Variants in CAST observed in about 807,000 individuals in gnomAD.
The protein encoded by CAST is calpastatin, also known as MIR583 host.
A neutral mutation model predicts 119.6 loss-of-function variants in CAST; 76 were observed. That is an observed-to-expected ratio of 0.64 (90% CI 0.53 to 0.77). CAST has a LOEUF of 0.77. Among genes scored for constraint, CAST ranks in the 30% least tolerant of loss-of-function variants. CAST has a pLI of 0.00. For missense variants in CAST, 953 were observed against 946.5 expected, an observed-to-expected ratio of 1.01 and a Z score of -0.09; for synonymous variants, 319 against 331.6, an observed-to-expected ratio of 0.96 and a Z score of 0.41.
At chr5:96,087,077 G>T in the CAST span, among the ~76,000 whole-genome samples, 1 of 152,306 alleles carries the variant, frequency 6.6e-6, no homozygotes, top group South Asian at 2.1e-4. Context: ...GTTACCCAGA[G>T]ATTTCCCACC....
At chr5:96,423,208 G>A in the CAST span, 6 of 1,119,228 alleles carry the variant, frequency 5.4e-6, no homozygotes, top group Non-Finnish European at 6.6e-6. Flanking sequence ...CATAATCCCA[G>A]GGACTGACAC....
At chr5:96,763,023 C>T in intron 25 of CAST, 2 of 699,128 alleles carry the variant, frequency 2.9e-6, no homozygotes, top group Non-Finnish European at 5.3e-6. Flanking sequence ...GAGACCACAG[C>T]ACATCAAATT....
chr5:96,274,657 C>G, the CAST span, among the ~76,000 whole-genome samples: 2 of 152,172 alleles, frequency 1.3e-5, no homozygotes, highest in Non-Finnish European at 2.9e-5. Flanking sequence ...ATGACGGGTG[C>G]AACAATGAGA....
chr5:96,191,418 T>A, the CAST span, among the ~76,000 whole-genome samples: 5 of 152,188 alleles, frequency 3.3e-5, no homozygotes, highest in African/African-American at 1.2e-4. Flanking sequence ...CTAATAATTG[T>A]CCCCATTTTA....
chr5:96,008,910 G>T, the CAST span, among the ~76,000 whole-genome samples: 1 of 152,148 alleles, frequency 6.6e-6, no homozygotes, highest in African/African-American at 2.4e-5. Flanking sequence ...TTGGAGTATG[G>T]ATCCCATCAT....
intron 1 of CAST, among the ~76,000 whole-genome samples, chr5:96,582,177 C>A (rs899499025): frequency 1.3e-5 from 2 of 151,176 alleles, no homozygotes; most frequent in Admixed American, 1.3e-4. Flanking sequence ...GGCAGAGTGA[C>A]CTTCTTATGG....
the CAST span, among the ~76,000 whole-genome samples, chr5:96,056,092 C>A: frequency 6.6e-6 from 1 of 152,182 alleles, no homozygotes; most frequent in East Asian, 1.9e-4. Flanking sequence ...AATCAGCTTA[C>A]CTTACCTCCC....
chr5:96,443,901 A>G, the CAST span, among the ~76,000 whole-genome samples: 122 of 152,322 alleles, frequency 8.0e-4, no homozygotes, highest in African/African-American at 2.8e-3. Context: ...TTAATCTAGC[A>G]TTTCTTCTTA....
chr5:96,246,187 C>CTTTTTTTTTTTTTTTTTTTTTTTTT, the CAST span, among the ~76,000 whole-genome samples: 1 of 76,386 alleles, frequency 1.3e-5, no homozygotes, highest in Non-Finnish European at 2.4e-5. Context: ...GTCTGTCTTC[C>CTTTTTTTTTTTTTTTTTTTTTTTTT]TTTTTTTTTT....
At chr5:96,105,649 G>T in the CAST span, among the ~76,000 whole-genome samples, 2 of 152,138 alleles carry the variant, frequency 1.3e-5, no homozygotes, top group African/African-American at 4.8e-5. Context: ...GTATTTTATT[G>T]AGGATTTTTG....
chr5:96,385,966 TA>T, the CAST span, among the ~76,000 whole-genome samples: 1 of 152,252 alleles, frequency 6.6e-6, no homozygotes, highest in African/African-American at 2.4e-5. Context: ...TACTCCTTGC[TA>T]TCTGCATGAC....
the CAST span, among the ~76,000 whole-genome samples, chr5:96,329,498 T>TC: frequency 0.019 from 2,899 of 152,114 alleles, 47 homozygotes; most frequent in Middle Eastern, 0.044. Context: ...TTTACAGGGA[T>TC]CCCCCCTAGA....
chr5:95,962,893 A>T, the CAST span, among the ~76,000 whole-genome samples: 6 of 152,164 alleles, frequency 3.9e-5, no homozygotes, highest in Non-Finnish European at 8.8e-5. Flanking sequence ...GGTTAAGCGA[A>T]GGAGATGGGG....
At chr5:96,075,285 AC>A in the CAST span, among the ~76,000 whole-genome samples, 2 of 152,208 alleles carry the variant, frequency 1.3e-5, no homozygotes, top group Non-Finnish European at 1.5e-5. Context: ...GTAAGGCTTT[AC>A]CAACTCTATA....
At chr5:96,407,025 A>T in the CAST span, among the ~76,000 whole-genome samples, 2 of 152,226 alleles carry the variant, frequency 1.3e-5, no homozygotes, top group Admixed American at 6.5e-5. Flanking sequence ...TTAACATCAT[A>T]CACTAAAATA....
the CAST span, among the ~76,000 whole-genome samples, chr5:96,475,959 G>A: frequency 2.6e-5 from 4 of 152,182 alleles, no homozygotes; most frequent in Non-Finnish European, 5.9e-5. Flanking sequence ...GACTCCAGTT[G>A]CCCTGCTGTA....
chr5:96,518,436 A>G, the CAST span, among the ~76,000 whole-genome samples: 1 of 152,206 alleles, frequency 6.6e-6, no homozygotes, highest in Non-Finnish European at 1.5e-5. Flanking sequence ...TGTACACACA[A>G]TTGTGATCAG....
intron 1 of CAST, among the ~76,000 whole-genome samples, chr5:96,557,011 T>C (rs1370425230): frequency 6.6e-6 from 1 of 152,078 alleles, no homozygotes; most frequent in East Asian, 1.9e-4. Context: ...AGGGGATCTC[T>C]CGGCAGAAAC....
At chr5:96,487,186 A>G in the CAST span, among the ~76,000 whole-genome samples, 1 of 151,832 alleles carries the variant, frequency 6.6e-6, no homozygotes, top group Non-Finnish European at 1.5e-5. Context: ...TTGTGGTTGG[A>G]CCTCCCCACC....
Sources: allele counts gnomAD v4.1 joint callset (sites outside exome capture counted in the v4.1 genomes callset), GRCh38; gene constraint gnomAD v4.1.1; transcripts MANE v1.5; gene names NCBI Gene and HGNC (gene_info 2026-07-23, HGNC 2026-07-21).